The following CAMTA1 variants were observed in gnomAD, a reference collection of about 807,000 sequenced individuals.
CAMTA1 encodes calmodulin binding transcription activator 1.
CAMTA1 carries 27 observed loss-of-function variants against 170.9 expected under a neutral mutation model. The observed-to-expected ratio is 0.16, with a 90% CI of 0.12 to 0.22. The LOEUF (loss-of-function observed/expected upper bound fraction) is 0.22, where lower values mean the gene tolerates loss of function less well. Among genes scored for constraint, CAMTA1 ranks in the 10% least tolerant of loss-of-function variants. The pLI is 1.00. For synonymous variants in CAMTA1, 833 were observed against 891.5 expected (o/e 0.93, Z 1.17); for missense variants, 1,619 against 2,217.2 (o/e 0.73, Z 5.42).
intron 6 of CAMTA1, among the ~76,000 whole-genome samples, chr1:7,493,089 GCA>G (rs1221538931): frequency 4.1e-5 from 3 of 72,710 alleles, no homozygotes; most frequent in South Asian, 4.3e-4. Context: ...ACAAACGTGA[GCA>G]CACAACACAA....
intron 5 of CAMTA1, among the ~76,000 whole-genome samples, chr1:7,397,326 A>T (rs958238881): frequency 6.6e-6 from 1 of 151,796 alleles, no homozygotes; most frequent in African/African-American, 2.4e-5. Flanking sequence ...CTGTGGTATC[A>T]CCTATAATGT....
chr1:7,410,166 CTTAGG>C (rs2149253870), intron 5 of CAMTA1, among the ~76,000 whole-genome samples: 1 of 152,294 alleles, frequency 6.6e-6, no homozygotes, highest in South Asian at 2.1e-4. Flanking sequence ...AATGCGTAAA[CTTAGG>C]TTAAGGCAGA....
rs1262169288 is a variant in CAMTA1 at position 7,585,583 on chromosome 1, C to T, written c.511-54817C>T. Among the ~76,000 whole-genome samples the T allele has an allele frequency of 6.6e-6, 1 of 152,094 alleles. No homozygotes were observed. The highest frequency in any genetic ancestry group is 1.5e-5 in the Non-Finnish European group (1 of 68,018). On this transcript the variant is annotated intron_variant, in intron 6 of 22. Transcript: ENST00000303635. This position sits in a 1 kb window ranked among gnomAD's most constrained non-coding sequence, Gnocchi z 4.8. ...TTTCACCGTGAGTGTGGAGGGGAGC[C>T]AGTGAAAGAACGTGAACATGGGATC...
At chr1:6,950,853 G>A (rs919856960) in intron 3 of CAMTA1, among the ~76,000 whole-genome samples, 1 of 152,156 alleles carries the variant, frequency 6.6e-6, no homozygotes, top group African/African-American at 2.4e-5. Context: ...CTCTACAATC[G>A]GATGCCCAGG....
At position 7,386,609 on chromosome 1, in the gene CAMTA1, C is replaced by T. The variant is rs145419145; in HGVS notation, c.439-81221C>T. 1.0e-3 allele frequency among the ~76,000 whole-genome samples: 155 copies of T among 152,262 alleles called. 3 individuals are homozygous for T. The highest frequency in any genetic ancestry group is 7.0e-3 in the East Asian group (36 of 5,166). ...ATGCCTCCCTTCCTCCTAAGAAGGC[C>T]GTGCACCTTGACGATGGGCAGATGG... On this transcript the variant is annotated intron_variant, in intron 5 of 22. Coordinates refer to ENST00000303635, the MANE Select transcript of CAMTA1 (RefSeq NM_015215.4).
intron 5 of CAMTA1, among the ~76,000 whole-genome samples, chr1:7,258,402 C>G (rs2149344615): frequency 6.6e-6 from 1 of 152,338 alleles, no homozygotes; most frequent in East Asian, 1.9e-4. Flanking sequence ...CCCTCAACAT[C>G]ACTGCACGTT....
chr1:7,365,914 A>C (rs966928735), intron 5 of CAMTA1, among the ~76,000 whole-genome samples: 4 of 152,148 alleles, frequency 2.6e-5, no homozygotes, highest in African/African-American at 7.2e-5. Context: ...CCCTCCGCGC[A>C]CAGGGTCATC....
At chr1:7,629,760 A>G (rs1029041566) in intron 6 of CAMTA1, among the ~76,000 whole-genome samples, 3 of 152,094 alleles carry the variant, frequency 2.0e-5, no homozygotes, top group Admixed American at 2.0e-4. Context: ...CGCCTCGGCC[A>G]TTCTGTCTCC....
intron 3 of CAMTA1, among the ~76,000 whole-genome samples, chr1:7,022,913 C>T (rs570067033): frequency 3.9e-5 from 6 of 152,144 alleles, no homozygotes; most frequent in Admixed American, 1.3e-4. Flanking sequence ...TTCCAGGTGC[C>T]GGAAGCCAGG....
chr1:7,529,360 C>A (rs552945077), intron 6 of CAMTA1, among the ~76,000 whole-genome samples: 3 of 152,064 alleles, frequency 2.0e-5, no homozygotes, highest in Non-Finnish European at 4.4e-5. Context: ...TCTGTCCTCT[C>A]GGTGCATACC....
intron 6 of CAMTA1, among the ~76,000 whole-genome samples, chr1:7,541,077 G>A (rs1204856439): frequency 6.6e-6 from 1 of 152,250 alleles, no homozygotes; most frequent in Admixed American, 6.5e-5. Context: ...GCAGGACAGA[G>A]TGACCTTCCT....
At chr1:7,628,599 G>A (rs1211680617) in intron 6 of CAMTA1, among the ~76,000 whole-genome samples, 1 of 152,246 alleles carries the variant, frequency 6.6e-6, no homozygotes, top group Non-Finnish European at 1.5e-5. Context: ...CAGATGGGCA[G>A]GAAAGGCTAC....
chr1:7,117,639 C>A (rs1329091327), intron 4 of CAMTA1, among the ~76,000 whole-genome samples: 5 of 152,186 alleles, frequency 3.3e-5, no homozygotes, highest in African/African-American at 1.2e-4. Context: ...CTCTAGCACA[C>A]CACTGCCTAC....
chr1:6,821,084 G>A (rs1646434639), intron 2 of CAMTA1, among the ~76,000 whole-genome samples: 1 of 152,220 alleles, frequency 6.6e-6, no homozygotes, highest in Non-Finnish European at 1.5e-5. Context: ...CCTAAAAATA[G>A]AAGCGGTAAG....
At chr1:7,403,570 G>A (rs2090070717) in intron 5 of CAMTA1, among the ~76,000 whole-genome samples, 1 of 152,168 alleles carries the variant, frequency 6.6e-6, no homozygotes, top group African/African-American at 2.4e-5. Context: ...AAGGGGTGAA[G>A]GGGAAGAGGC....
intron 5 of CAMTA1, among the ~76,000 whole-genome samples, chr1:7,354,750 A>T (rs1414836985): frequency 6.6e-6 from 1 of 152,128 alleles, no homozygotes; most frequent in Non-Finnish European, 1.5e-5. Context: ...CTTTTTAATA[A>T]TCGTCCTTCT....
intron 5 of CAMTA1, among the ~76,000 whole-genome samples, chr1:7,267,931 C>T (rs919153218): frequency 7.9e-5 from 12 of 152,140 alleles, no homozygotes; most frequent in African/African-American, 2.9e-4. Flanking sequence ...TCTTGGACAC[C>T]TATAAAAATG....
At chr1:7,649,589 C>CT (rs35994406) in intron 7 of CAMTA1, among the ~76,000 whole-genome samples, 117,436 of 152,144 alleles carry the variant, frequency 0.77, 45,772 homozygotes, top group African/African-American at 0.89. Flanking sequence ...TCCTACTTTG[C>CT]TCCAGGATCC....
At chr1:6,995,793 AAGG>A (rs937571340) in intron 3 of CAMTA1, among the ~76,000 whole-genome samples, 1 of 146,358 alleles carries the variant, frequency 6.8e-6, no homozygotes, top group Non-Finnish European at 1.5e-5. Context: ...TGGAGGGAGC[AAGG>A]AGAAGTATGG....
Sources: allele counts gnomAD v4.1 joint callset (sites outside exome capture counted in the v4.1 genomes callset), GRCh38; gene constraint gnomAD v4.1.1; non-coding constraint Gnocchi (gnomAD v3.1); transcripts MANE v1.5; gene names NCBI Gene and HGNC (gene_info 2026-07-23, HGNC 2026-07-21).